PCDH11X: variants seen among roughly 807,000 people sequenced by gnomAD.
PCDH11X encodes the protein protocadherin 11 X-linked, also known as protocadherin-11 X-linked.
A neutral mutation model predicts 53.3 loss-of-function variants in PCDH11X; 18 were observed. That is an observed-to-expected ratio of 0.34 (90% CI 0.23 to 0.50). The LOEUF is 0.50. Among genes scored for constraint, PCDH11X ranks in the 20% least tolerant of loss-of-function variants. PCDH11X has a pLI of 0.98. For synonymous variants in PCDH11X, 279 were observed against 393.3 expected (o/e 0.71, Z 3.44); for missense variants, 570 against 1,032.4 (o/e 0.55, Z 6.14).
intron 5 of PCDH11X, among the ~76,000 whole-genome samples, chrX:91,849,781 C>T (rs1937902618): frequency 2.0e-5 from 2 of 101,261 alleles, no homozygotes; most frequent in Admixed American, 2.2e-4. Flanking sequence ...TTTGTACATG[C>T]CATTATGTTC....
At chrX:92,395,623 G>T (rs2071226450) in intron 9 of PCDH11X, among the ~76,000 whole-genome samples, 1 of 110,950 alleles carries the variant, frequency 9.0e-6, no homozygotes, top group African/African-American at 3.3e-5. Context: ...ACATGTGCAG[G>T]TGTTGCCTTT....
rs1361394338 is a variant in PCDH11X at position 91,797,258 on chromosome X, T to A, written c.-378-12208T>A. ...TGAATGTGAACACACACACTTTAAG[T>A]GTCTAATTTAAAACTAGATTTTCTC... On this transcript the variant is annotated intron_variant, in intron 1 of 10. Transcript: ENST00000682573. 1.4e-4 allele frequency among the ~76,000 whole-genome samples: 16 copies of A among 110,641 alleles called. No homozygotes were observed. The Admixed American group carries it at 1.6e-3, about 11-fold the overall frequency.
At chrX:92,147,960 TTTCC>T (rs1569388614) in intron 6 of PCDH11X, among the ~76,000 whole-genome samples, 3 of 88,576 alleles carry the variant, frequency 3.4e-5, no homozygotes, top group African/African-American at 1.5e-4. Context: ...CCTTTCCTTC[TTTCC>T]CTTCCTTCCT....
intron 10 of PCDH11X, among the ~76,000 whole-genome samples, chrX:92,566,727 T>A (rs1921522795): frequency 8.9e-6 from 1 of 112,165 alleles, no homozygotes; most frequent in South Asian, 3.7e-4. Flanking sequence ...ACTAAGTATT[T>A]GAAGGGCACT....
intron 6 of PCDH11X, among the ~76,000 whole-genome samples, chrX:91,935,427 T>C (rs1293266481): frequency 9.0e-6 from 1 of 111,333 alleles, no homozygotes; most frequent in Non-Finnish European, 1.9e-5. Flanking sequence ...AGATAAATTA[T>C]TTTTCCTAAA....
chrX:92,301,681 G>GTTTTGTTTTTT (rs2068726251), intron 8 of PCDH11X, among the ~76,000 whole-genome samples: 1 of 109,770 alleles, frequency 9.1e-6, no homozygotes. Flanking sequence ...GTTTTGTTTT[G>GTTTTGTTTTTT]TTTTGAGAAT....
chrX:92,099,665 T>C (rs1268333007), intron 6 of PCDH11X, among the ~76,000 whole-genome samples: 2 of 111,662 alleles, frequency 1.8e-5, no homozygotes, highest in Admixed American at 1.9e-4. Context: ...TGAGTTAATT[T>C]AGTGTTAGCA....
intron 7 of PCDH11X, among the ~76,000 whole-genome samples, chrX:92,243,975 A>G (rs142473855): frequency 1.5e-3 from 169 of 111,161 alleles, no homozygotes; most frequent in African/African-American, 5.2e-3. Context: ...ATCCAAAGAA[A>G]TTATTCTGAA....
At chrX:92,008,077 G>T (rs2062631245) in intron 6 of PCDH11X, among the ~76,000 whole-genome samples, 1 of 110,798 alleles carries the variant, frequency 9.0e-6, no homozygotes, top group Non-Finnish European at 1.9e-5. Flanking sequence ...GGAAGAAAGG[G>T]GTGTCTTTCA....
At chrX:91,819,848 A>T (rs1476868992) in intron 4 of PCDH11X, among the ~76,000 whole-genome samples, 1 of 85,433 alleles carries the variant, frequency 1.2e-5, no homozygotes, top group Non-Finnish European at 2.2e-5. Flanking sequence ...CAGTCCCCAG[A>T]GTGTGATGTT....
chrX:92,300,636 C>T (rs1270985801), intron 8 of PCDH11X, among the ~76,000 whole-genome samples: 1 of 110,617 alleles, frequency 9.0e-6, no homozygotes, highest in Non-Finnish European at 1.9e-5. Flanking sequence ...TGCCACCATG[C>T]CCAGGTAATT....
intron 10 of PCDH11X, among the ~76,000 whole-genome samples, chrX:92,509,576 A>C (rs1201661261): frequency 1.8e-5 from 2 of 111,843 alleles, no homozygotes; most frequent in African/African-American, 3.2e-5. Flanking sequence ...TATTGATAAC[A>C]CCTTCCCTGT....
At chrX:92,276,109 C>A (rs760946186) in intron 8 of PCDH11X, among the ~76,000 whole-genome samples, 1 of 109,351 alleles carries the variant, frequency 9.1e-6, no homozygotes, top group Admixed American at 9.9e-5. Context: ...TCAGTTGGCA[C>A]CAGAGTTGGG....
chrX:92,425,464 T>C (rs2072085758), intron 9 of PCDH11X, among the ~76,000 whole-genome samples: 1 of 105,852 alleles, frequency 9.4e-6, no homozygotes, highest in Non-Finnish European at 1.9e-5. Context: ...CCTAAGAAAA[T>C]AGAAGTTTGC....
Position 92,300,221 on chromosome X carries a change from T to C in PCDH11X, c.3144+37078T>C, listed in dbSNP as rs1039028532. On this transcript the variant is annotated intron_variant, in intron 8 of 10. Transcript: ENST00000682573. Reference sequence around the variant, plus strand: ...CTGAGGAATGTTTTATGTCTGATCGTGTTGTCAATTTTGAGTATGTGCCAT... The same window carrying C: ...CTGAGGAATGTTTTATGTCTGATCGCGTTGTCAATTTTGAGTATGTGCCAT... 8.1e-5 allele frequency among the ~76,000 whole-genome samples: 9 copies of C among 111,477 alleles called. No homozygotes were observed. In the Admixed American group the frequency reaches 8.6e-4, roughly 11 times the overall value.
chrX:92,105,238 G>A (rs1308107067), intron 6 of PCDH11X, among the ~76,000 whole-genome samples: 1 of 111,490 alleles, frequency 9.0e-6, no homozygotes, highest in East Asian at 2.8e-4. Flanking sequence ...AAAGGAGAAA[G>A]AGGTTGAGGG....
chrX:92,185,385 C>T (rs1383567175), intron 6 of PCDH11X, among the ~76,000 whole-genome samples: 1 of 111,479 alleles, frequency 9.0e-6, no homozygotes, highest in Admixed American at 9.6e-5. Flanking sequence ...ACTTAAATGT[C>T]GGACCCAAAA....
chrX:91,854,883 A>T (rs1938237668), intron 5 of PCDH11X, among the ~76,000 whole-genome samples: 1 of 111,679 alleles, frequency 9.0e-6, no homozygotes, highest in Admixed American at 9.5e-5. Flanking sequence ...CTCTCCATAT[A>T]TTCAGATTAT....
chrX:91,919,434 G>A (rs2147816919), intron 6 of PCDH11X, among the ~76,000 whole-genome samples: 1 of 111,974 alleles, frequency 8.9e-6, no homozygotes, highest in East Asian at 2.8e-4. Flanking sequence ...AGTTTAAAAG[G>A]TGTAGACAAT....
Sources: gnomAD v4.1 joint callset for allele counts (sites outside exome capture counted in the v4.1 genomes callset) on GRCh38, gnomAD v4.1.1 for gene constraint, MANE v1.5 for transcripts, NCBI Gene and HGNC (gene_info 2026-07-23, HGNC 2026-07-21) for gene names.